SLC8A1: variants seen among roughly 807,000 people sequenced by gnomAD.
The protein encoded by SLC8A1 is solute carrier family 8 member A1, also known as sodium/calcium exchanger 1.
Under a neutral mutation model 68.3 loss-of-function variants are expected in SLC8A1, and 18 were observed. That is an observed-to-expected ratio of 0.26 (90% CI 0.18 to 0.39). The LOEUF (loss-of-function observed/expected upper bound fraction) is 0.39. SLC8A1 is among the 10% of genes least tolerant of loss of function. The pLI is 1.00. For missense variants in SLC8A1, 985 were observed against 1,156.7 expected, an observed-to-expected ratio of 0.85 and a Z score of 2.15; for synonymous variants, 475 against 415.5, an observed-to-expected ratio of 1.14 and a Z score of -1.74.
intron 2 of SLC8A1, among the ~76,000 whole-genome samples, chr2:40,327,822 G>C (rs1463502487): frequency 5.3e-5 from 8 of 151,922 alleles, no homozygotes. Flanking sequence ...CTGGGTGATG[G>C]GATCAGTCAT....
exon 2 of SLC8A1, chr2:40,430,177 G>C (rs1280344450): frequency 6.2e-7 from 1 of 1,613,562 alleles, no homozygotes; most frequent in African/African-American, 1.3e-5. Context: ...TTCTGTCTCA[G>C]CAATTACATG....
intron 2 of SLC8A1, among the ~76,000 whole-genome samples, chr2:40,204,849 G>T (rs1340406819): frequency 6.6e-6 from 1 of 151,060 alleles, no homozygotes; most frequent in Non-Finnish European, 1.5e-5. Context: ...GGTATTTATG[G>T]TTACTGCACT....
At chr2:40,413,449 T>C (rs1054796721) in intron 2 of SLC8A1, among the ~76,000 whole-genome samples, 1 of 152,330 alleles carries the variant, frequency 6.6e-6, no homozygotes, top group Middle Eastern at 3.4e-3. Context: ...TCATGTCCTT[T>C]GTAGGGACAT....
intron 1 of SLC8A1, among the ~76,000 whole-genome samples, chr2:40,469,385 G>A (rs958899772): frequency 4.6e-5 from 7 of 152,102 alleles, no homozygotes; most frequent in South Asian, 2.1e-4. Flanking sequence ...ATGCCACCAT[G>A]TGAAGAAGGT....
intron 1 of SLC8A1, among the ~76,000 whole-genome samples, chr2:40,493,439 A>T (rs1705463845): frequency 6.6e-6 from 1 of 151,882 alleles, no homozygotes; most frequent in South Asian, 2.1e-4. Context: ...TGGCACACTT[A>T]TACATATGTA....
intron 2 of SLC8A1, among the ~76,000 whole-genome samples, chr2:40,387,312 G>A (rs1161934151): frequency 6.6e-6 from 1 of 151,340 alleles, no homozygotes; most frequent in Non-Finnish European, 1.5e-5. Flanking sequence ...TCCCATTACT[G>A]TGGCATGTAG....
At chr2:40,497,538 G>T (rs950278248) in intron 1 of SLC8A1, among the ~76,000 whole-genome samples, 3 of 151,966 alleles carry the variant, frequency 2.0e-5, no homozygotes, top group Admixed American at 6.6e-5. Flanking sequence ...CAGAAAGAAT[G>T]GTTCTTTAAA....
intron 2 of SLC8A1, among the ~76,000 whole-genome samples, chr2:40,422,233 T>C (rs1576363349): frequency 6.6e-6 from 1 of 152,088 alleles, no homozygotes; most frequent in Non-Finnish European, 1.5e-5. Context: ...ATGGCATTTA[T>C]ACTGTAATAA....
At chr2:40,333,597 G>C (rs1175211914) in intron 2 of SLC8A1, among the ~76,000 whole-genome samples, 2 of 151,904 alleles carry the variant, frequency 1.3e-5, no homozygotes, top group East Asian at 3.9e-4. Flanking sequence ...ATTCTACTTT[G>C]TGGTAGAAAA....
Position 40,188,256 on chromosome 2 carries a change from TC to T in SLC8A1, c.1809-10402del, listed in dbSNP as rs1169236522. On this transcript the variant is annotated intron_variant, in intron 2 of 7. Coordinates refer to ENST00000406785, the Ensembl canonical transcript of SLC8A1. ...CTATAATCTGAGATCTTAACTGTAC[TC>T]CTTAAATGCAGATTCTCTAGAAAAT... Among the ~76,000 whole-genome samples, 5 of 152,276 alleles carry T rather than the reference TC, an allele frequency of 3.3e-5. No homozygotes were observed. The East Asian group carries it at 9.6e-4, about 29-fold the overall frequency.
At chr2:40,425,853 T>C (rs1696711635) in intron 2 of SLC8A1, among the ~76,000 whole-genome samples, 2 of 152,014 alleles carry the variant, frequency 1.3e-5, no homozygotes, top group Admixed American at 6.6e-5. Context: ...CAACTCCATT[T>C]GACCCAGCAA....
chr2:40,343,572 T>C (rs1437734660), intron 2 of SLC8A1, among the ~76,000 whole-genome samples: 2 of 152,208 alleles, frequency 1.3e-5, no homozygotes, highest in Non-Finnish European at 2.9e-5. Flanking sequence ...GTCAGCCTTG[T>C]ATGTATTAGG....
At chr2:40,356,725 G>C (rs1482402475) in intron 2 of SLC8A1, among the ~76,000 whole-genome samples, 3 of 152,262 alleles carry the variant, frequency 2.0e-5, no homozygotes, top group African/African-American at 7.2e-5. Flanking sequence ...AGCTAAGGGA[G>C]ACAAGCACTT....
intron 2 of SLC8A1, among the ~76,000 whole-genome samples, chr2:40,386,036 G>C (rs1172705111): frequency 6.6e-6 from 1 of 151,034 alleles, no homozygotes; most frequent in Non-Finnish European, 1.5e-5. Context: ...TATTGAACTG[G>C]TATTGCTTTT....
intron 5 of SLC8A1, 88 bp downstream of exon 8, chr2:40,164,766 A>G (rs1470869087): frequency 9.2e-6 from 14 of 1,515,214 alleles, no homozygotes; most frequent in Non-Finnish European, 1.3e-5. Flanking sequence ...TACTCTTTCC[A>G]GGTGGATCTT....
exon 8 of SLC8A1, chr2:40,111,810 T>A (rs904998481): frequency 1.3e-5 from 2 of 152,170 alleles, no homozygotes; most frequent in African/African-American, 4.8e-5. Flanking sequence ...TGTACTACCA[T>A]CAATTTTGGG....
chr2:40,453,914 G>A (rs761190261), upstream of SLC8A1, among the ~76,000 whole-genome samples: 5 of 152,104 alleles, frequency 3.3e-5, no homozygotes, highest in East Asian at 1.9e-4. Flanking sequence ...GCTGCTTCAC[G>A]TCTTATAAAA....
chr2:40,414,481 T>C (rs1693199651), intron 2 of SLC8A1, among the ~76,000 whole-genome samples: 1 of 152,188 alleles, frequency 6.6e-6, no homozygotes, highest in Non-Finnish European at 1.5e-5. Context: ...CAGTAATTAT[T>C]TTACTTAATG....
intron 2 of SLC8A1, among the ~76,000 whole-genome samples, chr2:40,253,831 CAAAAAAAAAA>C (rs61434245): frequency 1.2e-4 from 7 of 59,816 alleles, no homozygotes; most frequent in East Asian, 1.1e-3. Flanking sequence ...TGTCTGTCTC[CAAAAAAAAAA>C]AAAAAAAAAA....
Sources: gnomAD v4.1 joint callset for allele counts (sites outside exome capture counted in the v4.1 genomes callset) on GRCh38, gnomAD v4.1.1 for gene constraint, MANE v1.5 for transcripts, NCBI Gene and HGNC (gene_info 2026-07-23, HGNC 2026-07-21) for gene names.